FOXN3: variants seen among roughly 807,000 people sequenced by gnomAD.
The protein encoded by FOXN3 is forkhead box protein N3.
FOXN3 carries 7 observed loss-of-function variants against 38.4 expected under a neutral mutation model. That is an observed-to-expected ratio of 0.18 (90% CI 0.10 to 0.34). FOXN3 has a LOEUF of 0.34. FOXN3 is among the 10% of genes least tolerant of loss of function. The pLI is 1.00. For synonymous variants in FOXN3, 230 were observed against 242.2 expected, an observed-to-expected ratio of 0.95 and a Z score of 0.47; for missense variants, 456 against 613.4, an observed-to-expected ratio of 0.74 and a Z score of 2.71.
At chr14:89,250,802 T>G (rs1309282040) in intron 4 of FOXN3, among the ~76,000 whole-genome samples, 2 of 152,210 alleles carry the variant, frequency 1.3e-5, no homozygotes, top group African/African-American at 4.8e-5. Flanking sequence ...CATGCTGTTC[T>G]TGTGATGGTG....
intron 1 of FOXN3, among the ~76,000 whole-genome samples, chr14:89,574,407 T>C (rs929337837): frequency 6.6e-5 from 10 of 152,232 alleles, no homozygotes; most frequent in African/African-American, 2.4e-4. Flanking sequence ...GGCGAGGTGG[T>C]GATAATGGCC....
At chr14:89,547,844 T>A (rs931639243) in intron 1 of FOXN3, among the ~76,000 whole-genome samples, 1 of 152,198 alleles carries the variant, frequency 6.6e-6, no homozygotes, top group African/African-American at 2.4e-5. Context: ...TAACTGAAGT[T>A]CTAGCTTAGT....
chr14:89,418,390 T>G (rs1045545196), upstream of FOXN3, among the ~76,000 whole-genome samples: 1 of 149,194 alleles, frequency 6.7e-6, no homozygotes, highest in Non-Finnish European at 1.5e-5. Flanking sequence ...CTTCTGAAAA[T>G]TTTTTCTGTC....
At chr14:89,372,074 C>T (rs542318123) in intron 2 of FOXN3, among the ~76,000 whole-genome samples, 2 of 152,106 alleles carry the variant, frequency 1.3e-5, no homozygotes, top group East Asian at 1.9e-4. Flanking sequence ...CTGCCAGGAC[C>T]GTGACTGACA....
intron 1 of FOXN3, among the ~76,000 whole-genome samples, chr14:89,475,581 G>A (rs887445372): frequency 2.6e-5 from 4 of 152,288 alleles, no homozygotes; most frequent in East Asian, 1.9e-4. Context: ...CTTGAGCCCC[G>A]GAGTTTAAGG....
At chr14:89,553,068 G>A (rs1895038859) in intron 1 of FOXN3, among the ~76,000 whole-genome samples, 1 of 151,576 alleles carries the variant, frequency 6.6e-6, no homozygotes, top group Non-Finnish European at 1.5e-5. Context: ...GCGAAACCTC[G>A]TCTCTACAAA....
chr14:89,372,280 A>G (rs1018103488), intron 2 of FOXN3, among the ~76,000 whole-genome samples: 2 of 152,224 alleles, frequency 1.3e-5, no homozygotes, highest in Non-Finnish European at 2.9e-5. Context: ...TCATCTTCCT[A>G]AAAAGCACAG....
chr14:89,477,071 A>G (rs1422764981), intron 1 of FOXN3, among the ~76,000 whole-genome samples: 1 of 152,152 alleles, frequency 6.6e-6, no homozygotes, highest in Admixed American at 6.5e-5. Flanking sequence ...CCAAGTAAGG[A>G]TATTGAACTC....
chr14:89,497,980 C>T (rs1310947744), intron 1 of FOXN3, among the ~76,000 whole-genome samples: 1 of 151,712 alleles, frequency 6.6e-6, no homozygotes, highest in Non-Finnish European at 1.5e-5. Context: ...TCACTAATTT[C>T]GATTTGCATT....
intron 1 of FOXN3, among the ~76,000 whole-genome samples, chr14:89,586,399 CTG>C (rs1895843388): frequency 1.3e-5 from 2 of 152,232 alleles, no homozygotes; most frequent in South Asian, 2.1e-4. Flanking sequence ...GTCAGGGACT[CTG>C]TGGAGGTTTT....
chr14:89,406,093 C>T (rs569852056), intron 2 of FOXN3, among the ~76,000 whole-genome samples: 2 of 152,218 alleles, frequency 1.3e-5, no homozygotes, highest in East Asian at 1.9e-4. Context: ...ACTACAGGTG[C>T]GTGCCACAAT....
intron 1 of FOXN3, among the ~76,000 whole-genome samples, chr14:89,522,958 T>C (rs1894353608): frequency 6.6e-6 from 1 of 151,742 alleles, no homozygotes; most frequent in Admixed American, 6.6e-5. Context: ...GACCAAACTA[T>C]ATATACTTAT....
intron 4 of FOXN3, among the ~76,000 whole-genome samples, chr14:89,262,486 G>C (rs1885838264): frequency 1.3e-5 from 2 of 152,084 alleles, no homozygotes; most frequent in African/African-American, 4.8e-5. Context: ...ATTGGAGAGG[G>C]GAAAGGATCA....
chr14:89,373,149 G>C (rs886510825), intron 2 of FOXN3, among the ~76,000 whole-genome samples: 1 of 152,078 alleles, frequency 6.6e-6, no homozygotes, highest in Non-Finnish European at 1.5e-5. Context: ...CTGGGCAACA[G>C]AGCGGGACCC....
At chr14:89,511,889 CT>C (rs1277350642) in intron 1 of FOXN3, among the ~76,000 whole-genome samples, 2 of 152,168 alleles carry the variant, frequency 1.3e-5, no homozygotes, top group African/African-American at 4.8e-5. Flanking sequence ...GAGGAAGCCT[CT>C]TATAAAACCA....
chr14:89,431,953 G>C (rs1356255823), intron 1 of FOXN3, among the ~76,000 whole-genome samples: 1 of 152,166 alleles, frequency 6.6e-6, no homozygotes, highest in East Asian at 1.9e-4. Context: ...GACCTCAGGT[G>C]ATCCGCCTGC....
intron 3 of FOXN3, among the ~76,000 whole-genome samples, chr14:89,329,900 C>T (rs1273384059): frequency 6.8e-6 from 1 of 147,404 alleles, no homozygotes; most frequent in Non-Finnish European, 1.5e-5. Context: ...ATTATCTGGC[C>T]CCAAATGTCA....
chr14:89,497,101 CCCA>C (rs1252281956), intron 1 of FOXN3, among the ~76,000 whole-genome samples: 2 of 151,430 alleles, frequency 1.3e-5, no homozygotes, highest in Non-Finnish European at 2.9e-5. Flanking sequence ...ATTACAGGCG[CCCA>C]CCACCACACC....
At chr14:89,211,829 G>C (rs903658975) in intron 4 of FOXN3, among the ~76,000 whole-genome samples, 2 of 152,214 alleles carry the variant, frequency 1.3e-5, no homozygotes, top group Admixed American at 6.5e-5. Context: ...ATAACAGGAA[G>C]ATGTGTTCTG....
Sources: allele counts gnomAD v4.1 joint callset (sites outside exome capture counted in the v4.1 genomes callset), GRCh38; gene constraint gnomAD v4.1.1; transcripts MANE v1.5; gene names NCBI Gene and HGNC (gene_info 2026-07-23, HGNC 2026-07-21).